Variants in OSBPL6 observed in about 807,000 individuals in gnomAD.
OSBPL6 encodes the protein oxysterol-binding protein-related protein 6.
In OSBPL6, 49 loss-of-function variants were observed where a neutral mutation model predicts 125.8. That is an observed-to-expected ratio of 0.39 (90% CI 0.31 to 0.49). OSBPL6 has a LOEUF of 0.49. OSBPL6 is among the 20% of genes least tolerant of loss of function. The probability of loss-of-function intolerance (pLI) is 0.88; values close to 1 mark genes in which losing one functional copy is unlikely to be tolerated. For synonymous variants in OSBPL6, 394 were observed against 391.8 expected (o/e 1.01, Z -0.07); for missense variants, 986 against 1,135.4 (o/e 0.87, Z 1.89).
At chr2:178,254,020 A>G (rs2091791779) in intron 1 of OSBPL6, among the ~76,000 whole-genome samples, 1 of 152,196 alleles carries the variant, frequency 6.6e-6, no homozygotes, top group African/African-American at 2.4e-5. Context: ...AGGACTCTGC[A>G]GAGAGTCCCC....
At chr2:178,272,498 T>C (rs1215984529) in intron 1 of OSBPL6, among the ~76,000 whole-genome samples, 2 of 152,188 alleles carry the variant, frequency 1.3e-5, no homozygotes, top group Non-Finnish European at 2.9e-5. Context: ...CAGGATCAGC[T>C]ATCTTATGAT....
intron 1 of OSBPL6, among the ~76,000 whole-genome samples, chr2:178,211,497 C>T (rs896702860): frequency 8.5e-5 from 13 of 152,270 alleles, no homozygotes; most frequent in Non-Finnish European, 1.8e-4. Flanking sequence ...CCAGGACCTC[C>T]GGTCTCCTCA....
chr2:178,327,737 C>A (rs1167625680), intron 4 of OSBPL6, among the ~76,000 whole-genome samples: 2 of 152,066 alleles, frequency 1.3e-5, no homozygotes, highest in Non-Finnish European at 2.9e-5. Context: ...GTCTTATGTG[C>A]ACTTTGGAAT....
Position 178,382,832 on chromosome 2 carries a change from TA to T in OSBPL6, c.1622-188del, listed in dbSNP as rs917507467. Reference sequence around the variant, plus strand: ...TTGAGTGTATCTAATGCCTTATTTATAAAACTATACACTGTTGTTTTCTGCA... The same window carrying T: ...TTGAGTGTATCTAATGCCTTATTTATAAACTATACACTGTTGTTTTCTGCA... On this transcript the variant is annotated intron_variant, in intron 16 of 24. Transcript: ENST00000190611. 8.6e-6 allele frequency: 12 copies of T among 1,392,086 alleles called. No homozygotes were observed. The African/African-American group carries it at 1.2e-4, about 13-fold the overall frequency. 86.2% of individuals were successfully genotyped at this position (1,392,086 alleles called of 1,614,324 possible).
At position 178,287,154 on chromosome 2, in the gene OSBPL6, A is replaced by ATTTT. The variant is rs1559203437; in HGVS notation, c.-156+2033_-156+2034insTTTT. Among the ~76,000 whole-genome samples the ATTTT allele has an allele frequency of 6.7e-3, 1,001 of 149,240 alleles. 11 individuals are homozygous for ATTTT. Among genetic ancestry groups the ATTTT allele is most frequent in the African/African-American group, 0.024 (946 of 39,296 alleles). ...AACAATGGTTCTTCTTTTTTTAAAA[A>ATTTT]AAAAAAAAAAAAAAACAAATTATTT... is the stretch of plus-strand genomic sequence containing the variant. On this transcript the variant is annotated intron_variant, in intron 2 of 24. Transcript: ENST00000190611.
At chr2:178,393,204 T>C (rs1695567200) in intron 23 of OSBPL6, among the ~76,000 whole-genome samples, 1 of 152,210 alleles carries the variant, frequency 6.6e-6, no homozygotes, top group Non-Finnish European at 1.5e-5. Context: ...TATAACTCTG[T>C]AACATGGAGT....
intron 18 of OSBPL6, among the ~76,000 whole-genome samples, chr2:178,384,528 A>G (rs1019408678): frequency 3.9e-5 from 6 of 152,342 alleles, no homozygotes; most frequent in South Asian, 2.1e-4. Flanking sequence ...GGTCATAGGT[A>G]GATAAGAAAG....
intron 2 of OSBPL6, among the ~76,000 whole-genome samples, chr2:178,289,049 G>T (rs13024959): frequency 7.4e-6 from 1 of 134,578 alleles, no homozygotes; most frequent in Admixed American, 7.7e-5. Flanking sequence ...ACAGAGTCTC[G>T]CTCTGTCACC....
chr2:178,228,831 A>G (rs2090689351), intron 1 of OSBPL6, among the ~76,000 whole-genome samples: 1 of 152,252 alleles, frequency 6.6e-6, no homozygotes, highest in African/African-American at 2.4e-5. Flanking sequence ...CATAAAATTT[A>G]TAGTTGAAAA....
intron 3 of OSBPL6, among the ~76,000 whole-genome samples, chr2:178,317,822 T>C (rs1687894476): frequency 1.3e-5 from 2 of 152,174 alleles, no homozygotes; most frequent in African/African-American, 4.8e-5. Flanking sequence ...AAAAGCCTTT[T>C]AGAAAATTAC....
intron 2 of OSBPL6, among the ~76,000 whole-genome samples, chr2:178,298,746 A>T (rs1342692090): frequency 6.1e-5 from 9 of 147,332 alleles, no homozygotes; most frequent in Non-Finnish European, 1.3e-4. Flanking sequence ...CAGGACCTAC[A>T]TCATTTTCTA....
At chr2:178,372,072 T>C in intron 13 of OSBPL6, 54 bp from the exon 14 acceptor site, 1 of 1,358,150 alleles carries the variant, frequency 7.4e-7, no homozygotes, top group Non-Finnish European at 1.0e-6. Context: ...ACTTGTTCTG[T>C]TTTATGCTTG....
chr2:178,256,980 T>A (rs886064417), intron 1 of OSBPL6, among the ~76,000 whole-genome samples: 6 of 150,704 alleles, frequency 4.0e-5, no homozygotes, highest in Non-Finnish European at 7.4e-5. Flanking sequence ...CAGACAAATT[T>A]AAAAAAAAAA....
intron 1 of OSBPL6, among the ~76,000 whole-genome samples, chr2:178,264,292 A>G (rs334002): frequency 0.36 from 54,571 of 152,022 alleles, 10,049 homozygotes; most frequent in African/African-American, 0.42. Flanking sequence ...TTTTTATGGC[A>G]TCATTTCCTT....
intron 2 of OSBPL6, among the ~76,000 whole-genome samples, chr2:178,294,222 A>G (rs1423136754): frequency 1.3e-5 from 2 of 152,186 alleles, no homozygotes; most frequent in Non-Finnish European, 2.9e-5. Flanking sequence ...TATGCCTAGA[A>G]TAAATGCACT....
At chr2:178,253,272 C>T (rs747589250) in intron 1 of OSBPL6, among the ~76,000 whole-genome samples, 3 of 152,134 alleles carry the variant, frequency 2.0e-5, no homozygotes, top group Non-Finnish European at 4.4e-5. Context: ...TCACCCACCT[C>T]GGCCTCCCAA....
intron 1 of OSBPL6, among the ~76,000 whole-genome samples, chr2:178,247,402 T>G (rs2091533802): frequency 6.6e-6 from 1 of 152,146 alleles, no homozygotes; most frequent in Non-Finnish European, 1.5e-5. Context: ...CATGGTTTCT[T>G]GGCAGGGAGA....
chr2:178,216,589 CA>C (rs1209991571), intron 1 of OSBPL6, among the ~76,000 whole-genome samples: 1 of 152,202 alleles, frequency 6.6e-6, no homozygotes, highest in Non-Finnish European at 1.5e-5. Flanking sequence ...CACCATTTGG[CA>C]AACATAGTGA....
intron 2 of OSBPL6, among the ~76,000 whole-genome samples, chr2:178,298,684 A>G (rs1685977253): frequency 7.1e-6 from 1 of 140,536 alleles, no homozygotes; most frequent in Non-Finnish European, 1.5e-5. Context: ...TGCCCAGCCT[A>G]TTTTTAGTTG....
Sources: gnomAD v4.1 joint callset for allele counts (sites outside exome capture counted in the v4.1 genomes callset) on GRCh38, gnomAD v4.1.1 for gene constraint, MANE v1.5 for transcripts, NCBI Gene and HGNC (gene_info 2026-07-23, HGNC 2026-07-21) for gene names.